The following COX18 variants were observed in gnomAD, a reference collection of about 807,000 sequenced individuals.
COX18 encodes cytochrome c oxidase assembly factor COX18.
Under a neutral mutation model 38.0 loss-of-function variants are expected in COX18, and 45 were observed. The observed-to-expected ratio is 1.18, with a 90% CI of 0.93 to 1.52. The LOEUF is 1.52. Among genes scored for constraint, COX18 ranks in the 40% most tolerant of loss-of-function variants. The pLI, the probability that COX18 is intolerant of heterozygous loss-of-function variation, is 0.00. For missense variants in COX18, 462 were observed against 423.8 expected (o/e 1.09, Z -0.79); for synonymous variants, 177 against 169.8 (o/e 1.04, Z -0.33).
At chr4:73,059,542 G>A (rs1041659452) in intron 5 of COX18, among the ~76,000 whole-genome samples, 2 of 152,208 alleles carry the variant, frequency 1.3e-5, no homozygotes, top group African/African-American at 4.8e-5. Flanking sequence ...CAGTAGTTAA[G>A]AGGAGGAGCC....
chr4:73,055,843 T>A lies in COX18; in HGVS notation c.*2271A>T, dbSNP rs1719869359. On this transcript the variant is annotated 3_prime_UTR_variant, in exon 6 of 6. Coordinates refer to ENST00000507544, the MANE Select transcript of COX18 (RefSeq NM_001297732.2). ...CCACAAATAATGAGGATATTTCAAT[T>A]CCTTCAATGTGGTTGGAAAGCACAA... is the stretch of plus-strand genomic sequence containing the variant. The A allele has an allele frequency of 1.3e-5, 2 of 152,320 alleles. No individual in the cohort carries two copies. The highest frequency in any genetic ancestry group is 4.1e-4 in the South Asian group (2 of 4,830). The allele number at this position is 152,320 out of a possible 1,614,324, so 9.4% of individuals were successfully genotyped here. A position where few individuals can be genotyped will look rare whatever the true frequency, so the allele number is the denominator to read the frequency against.
intron 5 of COX18, 121 bp from the exon 6 acceptor site, chr4:73,058,408 G>A: frequency 1.5e-6 from 1 of 676,876 alleles, no homozygotes; most frequent in Non-Finnish European, 2.4e-6. Context: ...AGCAAGACTT[G>A]CAGCAGCTAC....
At position 73,052,949 on chromosome 4, in the gene COX18, AAAG is replaced by A. The variant is rs994009508; in HGVS notation, c.*5162_*5164del. 3.3e-5 allele frequency: 5 copies of A among 152,154 alleles called. No individual in the cohort carries two copies. Among genetic ancestry groups the A allele is most frequent in the African/African-American group, 1.2e-4 (5 of 41,432 alleles). The allele number at this position is 152,154 out of a possible 1,614,324, so 9.4% of individuals were successfully genotyped here. A position where few individuals can be genotyped will look rare whatever the true frequency, so the allele number is the denominator to read the frequency against. On this transcript the variant is annotated 3_prime_UTR_variant, in exon 6 of 6. Coordinates refer to ENST00000507544, the MANE Select transcript of COX18 (RefSeq NM_001297732.2). ...TAAAGGTGACTCCTAAAAAAAAAAA[AAAG>A]GTGATTCCTGGGATTCTTAGAAGAA...
intron 2 of COX18, 26 bp downstream of exon 2, chr4:73,068,000 ATGG>A (rs753016065): frequency 1.5e-6 from 2 of 1,322,428 alleles, no homozygotes; most frequent in Non-Finnish European, 2.2e-6. Context: ...ATGTGTGCGT[ATGG>A]TCTTACGTGG....
In COX18 at chr4:73,055,480, T is replaced by A. The variant is rs1235247269; in HGVS notation, c.*2634A>T. Reference sequence around the variant, plus strand: ...TGCCAACAGCATTATAACTTGTGCATGAATGAAGCTTATCTAATATACTTA... The same window carrying A: ...TGCCAACAGCATTATAACTTGTGCAAGAATGAAGCTTATCTAATATACTTA... On this transcript the variant is annotated 3_prime_UTR_variant, in exon 6 of 6. Transcript: ENST00000507544. 1.3e-5 allele frequency: 2 copies of A among 152,222 alleles called. No individual in the cohort carries two copies. The highest frequency in any genetic ancestry group is 2.9e-5 in the Non-Finnish European group (2 of 68,038). 9.4% of individuals were successfully genotyped at this position (152,222 alleles called of 1,614,324 possible).
intron 2 of COX18, 146 bp from the exon 3 acceptor site, chr4:73,065,559 A>G (rs1238502177): frequency 3.3e-6 from 2 of 611,664 alleles, no homozygotes; most frequent in African/African-American, 3.7e-5. Context: ...CATGTTAAGG[A>G]GTTGCCTAAA....
Position 73,061,889 on chromosome 4 carries a change from C to T in COX18, c.755G>A (p.Arg252His), listed in dbSNP as rs763271464. Residue 252 changes from arginine (R) to histidine (H), a missense_variant, in exon 5 of 6, where the codon CGT becomes CAT. Transcript: ENST00000507544. ...ICALQKIGMS[R>H]FQTYITYFVR... ...AAAGTACGTAATATACGTCTGAAAA[C>T]GAGACATTCCAATTTTTTGTAGAGC... The T allele has an allele frequency of 3.3e-5, 54 of 1,612,512 alleles. No homozygotes were observed. Among genetic ancestry groups the T allele is most frequent in the Admixed American group, 8.4e-5 (5 of 59,850 alleles).
intron 1 of COX18, among the ~76,000 whole-genome samples, chr4:73,069,062 T>C (rs1187480118): frequency 1.3e-5 from 2 of 152,246 alleles, no homozygotes; most frequent in Non-Finnish European, 2.9e-5. Flanking sequence ...TAGTAACCAC[T>C]TGTGCTTGGA....
At chr4:73,065,166 A>G (rs1720373106) in intron 3 of COX18, 84 bp downstream of exon 3, 2 of 1,240,632 alleles carry the variant, frequency 1.6e-6, no homozygotes, top group African/African-American at 3.1e-5. Flanking sequence ...AATTATGAAA[A>G]GTATGCTTTT....
rs1294677771 is a variant in COX18, at chr4:73,067,107, TG to T, written c.434+921del. Among the ~76,000 whole-genome samples, 19 of 152,310 alleles carry T rather than the reference TG, an allele frequency of 1.2e-4. No individual in the cohort carries two copies. The South Asian group carries it at 2.9e-3, about 23-fold the overall frequency. ...TGGGCGCAATCAAGCACCCTTAGAT[TG>T]GGACTTTCCAAGAACCCAGGCAGAC... On this transcript the variant is annotated intron_variant, in intron 2 of 5. Coordinates refer to ENST00000507544, the MANE Select transcript of COX18 (RefSeq NM_001297732.2).
intron 3 of COX18, 116 bp from the exon 4 acceptor site, chr4:73,065,018 T>A: frequency 9.3e-7 from 1 of 1,071,932 alleles, no homozygotes. Context: ...AGGAAAGATC[T>A]GCACTGGATT....
In COX18 at chr4:73,069,628, G is replaced by T. The variant is rs1194752142; in HGVS notation, c.22C>A (p.Arg8=). Residue 8 remains arginine, a synonymous_variant, in exon 1 of 6, where the codon CGG becomes AGG. Coordinates refer to ENST00000507544, the MANE Select transcript of COX18 (RefSeq NM_001297732.2). ...AGGGCAGGGAGCGGCCGCAGCCACCGACCGCCGAGCCGGCACAGCATTTCT... is the reference window on the plus strand; with the variant it reads ...AGGGCAGGGAGCGGCCGCAGCCACCTACCGCCGAGCCGGCACAGCATTTCT... MLCRLGG[R]WLRPLPALQL... 4 of 1,548,458 alleles carry T rather than the reference G, an allele frequency of 2.6e-6. No homozygotes were observed. Among genetic ancestry groups the T allele is most frequent in the South Asian group, 2.4e-5 (2 of 85,098 alleles).
intron 4 of COX18, 79 bp downstream of exon 4, chr4:73,064,699 C>CA: frequency 1.3e-6 from 2 of 1,534,564 alleles, no homozygotes; most frequent in Non-Finnish European, 1.8e-6. Flanking sequence ...CCAACTCAAA[C>CA]AAAAACAGAT....
rs530390062 is a variant in COX18 at position 73,069,379 on chromosome 4, C to T, written c.271G>A (p.Val91Met). Residue 91 changes from valine (V) to methionine (M), a missense_variant, in exon 1 of 6, where the codon GTG becomes ATG. Val to Met is a conservative substitution (Grantham distance 21). Transcript: ENST00000507544. ...AGCGTGACAGCACCCCGTAAGGCCA[C>T]GGTGGAGAGCAGAATGCTGCCCCAC... ...PWWGSILLST[V>M]ALRGAVTLPL... is the part of the protein sequence containing the mutation. The T allele has an allele frequency of 3.2e-6, 5 of 1,560,526 alleles. No individual in the cohort carries two copies. Among genetic ancestry groups the T allele is most frequent in the Admixed American group, 3.8e-5 (2 of 52,508 alleles).
At chr4:73,058,341 G>T in intron 5 of COX18, 54 bp from the exon 6 acceptor site, 1 of 1,280,976 alleles carries the variant, frequency 7.8e-7, no homozygotes, top group Non-Finnish European at 1.1e-6. Flanking sequence ...GGACATCACA[G>T]TCCAGACAAT....
chr4:73,055,992 G>A lies in COX18; in HGVS notation c.*2122C>T, dbSNP rs552850459. ...GGAAGCAGAATTCTTACCTCTGTAT[G>A]CTGTACATTTTTTCTATTAAAAAAT... On this transcript the variant is annotated 3_prime_UTR_variant, in exon 6 of 6. Coordinates refer to ENST00000507544, the MANE Select transcript of COX18 (RefSeq NM_001297732.2). 6.6e-6 allele frequency: 1 copy of A among 152,120 alleles called. No homozygotes were observed. Among genetic ancestry groups the A allele is most frequent in the Non-Finnish European group, 1.5e-5 (1 of 68,026 alleles). 9.4% of individuals were successfully genotyped at this position (152,120 alleles called of 1,614,324 possible).
intron 5 of COX18, among the ~76,000 whole-genome samples, chr4:73,060,298 C>T (rs1459897192): frequency 1.3e-5 from 2 of 152,094 alleles, no homozygotes; most frequent in Non-Finnish European, 2.9e-5. Flanking sequence ...CTTAACTGCT[C>T]GTATTTTATT....
At chr4:73,058,400 C>A in intron 5 of COX18, 113 bp from the exon 6 acceptor site, 1 of 711,934 alleles carries the variant, frequency 1.4e-6, no homozygotes, top group Non-Finnish European at 2.3e-6. Context: ...CAAGACTAAG[C>A]AAGACTTGCA....
In COX18 at chr4:73,069,409, G is replaced by A. The variant is rs1393229848; in HGVS notation, c.241C>T (p.Pro81Ser). The stretch of plus-strand genomic sequence containing the variant: ...GAGAGCAGAATGCTGCCCCACCAGG[G>A]CAGGCCCGTGGCGGCGTGCACGCCG... ...LLGVHAATGL[P>S]WWGSILLSTV... The change falls in exon 1 of 6, where the codon CCC becomes TCC. Residue 81 changes from proline to serine, a missense_variant. Coordinates refer to ENST00000507544, the MANE Select transcript of COX18 (RefSeq NM_001297732.2). 15 of 1,569,682 alleles carry A rather than the reference G, an allele frequency of 9.6e-6. No homozygotes were observed. Among genetic ancestry groups the A allele is most frequent in the Non-Finnish European group, 1.2e-5 (14 of 1,158,318 alleles).
Sources: gnomAD v4.1 joint callset for allele counts (sites outside exome capture counted in the v4.1 genomes callset) on GRCh38, gnomAD v4.1.1 for gene constraint, MANE v1.5 for transcripts, NCBI Gene and HGNC (gene_info 2026-07-23, HGNC 2026-07-21) for gene names.